PARD3B: variants seen among roughly 807,000 people sequenced by gnomAD.
PARD3B encodes partitioning defective 3 homolog B.
A neutral mutation model predicts 130.2 loss-of-function variants in PARD3B; 103 were observed. The observed-to-expected ratio is 0.79, with a 90% CI of 0.67 to 0.93. The LOEUF (loss-of-function observed/expected upper bound fraction) is 0.93. Among genes scored for constraint, PARD3B ranks in the 40% least tolerant of loss-of-function variants. PARD3B has a pLI of 0.00. For missense variants in PARD3B, 1,609 were observed against 1,499.2 expected, an observed-to-expected ratio of 1.07 and a Z score of -1.21; for synonymous variants, 583 against 553.2, an observed-to-expected ratio of 1.05 and a Z score of -0.76.
In PARD3B at chr2:205,470,459, G is replaced by A. The variant is rs888538760; in HGVS notation, c.3045-29437G>A. On this transcript the variant is annotated intron_variant, in intron 20 of 22. Coordinates refer to ENST00000406610, the MANE Select transcript of PARD3B (RefSeq NM_001302769.2). The surrounding 1 kb of genome is among the most constrained non-coding windows in gnomAD (Gnocchi z 4.8). ...TGACTCCCTCTGCTCACCCCTGCAG[G>A]AGTATTTAAGCTTAACCCCAGATTT... Among the ~76,000 whole-genome samples the A allele has an allele frequency of 3.0e-4, 45 of 152,094 alleles. No homozygotes were observed. Among genetic ancestry groups the A allele is most frequent in the African/African-American group, 1.0e-3 (42 of 41,404 alleles).
intron 2 of PARD3B, among the ~76,000 whole-genome samples, chr2:204,902,224 T>A (rs916871027): frequency 6.6e-6 from 1 of 152,186 alleles, no homozygotes; most frequent in African/African-American, 2.4e-5. Context: ...TGTTGGAAAT[T>A]TAAGGTTTGC....
chr2:205,036,370 AT>A (rs202119801), intron 3 of PARD3B, among the ~76,000 whole-genome samples: 7,755 of 108,138 alleles, frequency 0.072, 774 homozygotes, highest in African/African-American at 0.079. Context: ...TATATATAAA[AT>A]ATATATAGCA....
At chr2:204,710,031 T>G (rs933344252) in intron 2 of PARD3B, among the ~76,000 whole-genome samples, 41 of 152,192 alleles carry the variant, frequency 2.7e-4, no homozygotes, top group Non-Finnish European at 8.8e-5. Flanking sequence ...ATATAAAATT[T>G]TATTAGTTTC....
At chr2:204,644,017 A>G (rs1308249971) in intron 1 of PARD3B, among the ~76,000 whole-genome samples, 1 of 152,150 alleles carries the variant, frequency 6.6e-6, no homozygotes, top group African/African-American at 2.4e-5. Flanking sequence ...GCCTCTTGTA[A>G]GAATTCTTTC....
chr2:205,363,892 C>G (rs1010047710), intron 18 of PARD3B, among the ~76,000 whole-genome samples: 1 of 130,674 alleles, frequency 7.7e-6, no homozygotes, highest in Non-Finnish European at 1.5e-5. Flanking sequence ...GTCTTGAACT[C>G]CTGACCTCAA....
At chr2:204,978,658 A>G (rs1156496149) in intron 3 of PARD3B, among the ~76,000 whole-genome samples, 2 of 152,122 alleles carry the variant, frequency 1.3e-5, no homozygotes, top group African/African-American at 2.4e-5. Context: ...CTTTCCCAAC[A>G]TTCATAAAAA....
intron 18 of PARD3B, among the ~76,000 whole-genome samples, chr2:205,331,125 C>T (rs10173800): frequency 0.021 from 3,211 of 152,148 alleles, 112 homozygotes; most frequent in African/African-American, 0.073. Context: ...ATACATGTGA[C>T]GACATATGCA....
intron 4 of PARD3B, among the ~76,000 whole-genome samples, chr2:205,099,239 A>G (rs1487521675): frequency 1.3e-5 from 2 of 152,234 alleles, no homozygotes; most frequent in Non-Finnish European, 1.5e-5. Flanking sequence ...TATTAATAAA[A>G]TTAATTATAG....
intron 3 of PARD3B, among the ~76,000 whole-genome samples, chr2:204,977,873 A>G (rs1397631103): frequency 1.3e-5 from 2 of 151,952 alleles, no homozygotes; most frequent in African/African-American, 2.4e-5. Context: ...TGAAAGGGGA[A>G]AGAGGAGAAA....
chr2:204,711,814 C>G (rs1196701495), intron 2 of PARD3B, among the ~76,000 whole-genome samples: 1 of 152,182 alleles, frequency 6.6e-6, no homozygotes, highest in Non-Finnish European at 1.5e-5. Context: ...TCCCAAAGTG[C>G]TGGGATTACA....
chr2:205,471,641 G>T (rs1180508542), intron 20 of PARD3B, among the ~76,000 whole-genome samples: 1 of 152,076 alleles, frequency 6.6e-6, no homozygotes, highest in Admixed American at 6.5e-5. Context: ...GGGATTAGAA[G>T]CATGAGCCAC....
Position 204,907,574 on chromosome 2 carries a change from C to T in PARD3B, c.223-57578C>T, listed in dbSNP as rs1462842577. On this transcript the variant is annotated intron_variant, in intron 2 of 22. Coordinates refer to ENST00000406610, the MANE Select transcript of PARD3B (RefSeq NM_001302769.2). The surrounding 1 kb of genome is among the most constrained non-coding windows in gnomAD (Gnocchi z 5.7). The stretch of plus-strand genomic sequence containing the variant: ...GGCACATTGGGGGCTCAGCCAAAGC[C>T]TTAGTTTCATGGAATTCGGAGTTTG... 6.6e-6 allele frequency among the ~76,000 whole-genome samples: 1 copy of T among 152,048 alleles called. No homozygotes were observed. Among genetic ancestry groups the T allele is most frequent in the Non-Finnish European group, 1.5e-5 (1 of 68,014 alleles).
chr2:204,626,527 C>T (rs765609334), intron 1 of PARD3B, among the ~76,000 whole-genome samples: 7 of 150,704 alleles, frequency 4.6e-5, no homozygotes, highest in Middle Eastern at 3.2e-3. Context: ...TACAGATAGA[C>T]GATAAATATG....
chr2:205,251,548 G>T (rs1325680206), intron 16 of PARD3B, among the ~76,000 whole-genome samples: 3 of 152,146 alleles, frequency 2.0e-5, no homozygotes, highest in Non-Finnish European at 4.4e-5. Context: ...TGATTGGATA[G>T]TCACTTTAAT....
rs1381728887 is a variant in PARD3B at position 204,673,569 on chromosome 2, T to A, written c.121-12612T>A. Among the ~76,000 whole-genome samples, 1 of 152,216 alleles carries A rather than the reference T, an allele frequency of 6.6e-6. No individual in the cohort carries two copies. On this transcript the variant is annotated intron_variant, in intron 1 of 22. Coordinates refer to ENST00000406610, the MANE Select transcript of PARD3B (RefSeq NM_001302769.2). The surrounding 1 kb of genome is among the most constrained non-coding windows in gnomAD (Gnocchi z 4.7). ...CTTGCCCTGGGGCACAGCCATTTGTTAGAAGACCTGGCTCCCCACCTCCAG... is the reference window on the plus strand; with the variant it reads ...CTTGCCCTGGGGCACAGCCATTTGTAAGAAGACCTGGCTCCCCACCTCCAG...
intron 2 of PARD3B, among the ~76,000 whole-genome samples, chr2:204,941,806 TAG>T (rs892602651): frequency 4.0e-5 from 6 of 151,730 alleles, no homozygotes; most frequent in Non-Finnish European, 5.9e-5. Context: ...TGGTTTTTTT[TAG>T]AGTTCTCATT....
rs145859669 is a variant in PARD3B at position 204,868,018 on chromosome 2, T to C, written c.223-97134T>C. Among the ~76,000 whole-genome samples, 28 of 152,282 alleles carry C rather than the reference T, an allele frequency of 1.8e-4. No individual in the cohort carries two copies. In the East Asian group the frequency reaches 5.2e-3, roughly 28 times the overall value. On this transcript the variant is annotated intron_variant, in intron 2 of 22. Transcript: ENST00000406610. ...TGATGGAGCAGGGTCTGAGGGACTGTGAGTGTTCCCTGAGAGAAACATCCT... is the reference window on the plus strand; with the variant it reads ...TGATGGAGCAGGGTCTGAGGGACTGCGAGTGTTCCCTGAGAGAAACATCCT...
intron 1 of PARD3B, among the ~76,000 whole-genome samples, chr2:204,647,738 T>C (rs2035324813): frequency 6.6e-6 from 1 of 151,816 alleles, no homozygotes; most frequent in Non-Finnish European, 1.5e-5. Flanking sequence ...TTAAATTCCA[T>C]ATATACATGT....
At chr2:204,989,817 C>T (rs1374791283) in intron 3 of PARD3B, among the ~76,000 whole-genome samples, 3 of 151,830 alleles carry the variant, frequency 2.0e-5, no homozygotes, top group East Asian at 1.9e-4. Flanking sequence ...GTATAGTTTC[C>T]TTTTTTAAAA....
Sources: allele counts gnomAD v4.1 joint callset (sites outside exome capture counted in the v4.1 genomes callset), GRCh38; gene constraint gnomAD v4.1.1; non-coding constraint Gnocchi (gnomAD v3.1); transcripts MANE v1.5; gene names NCBI Gene and HGNC (gene_info 2026-07-23, HGNC 2026-07-21).